MAP3K5: variants seen among roughly 807,000 people sequenced by gnomAD.
MAP3K5 encodes mitogen-activated protein kinase kinase kinase 5.
Under a neutral mutation model 158.7 loss-of-function variants are expected in MAP3K5, and 56 were observed. The ratio of observed to expected loss-of-function variants is 0.35; its 90% CI spans 0.28 to 0.44. The LOEUF (loss-of-function observed/expected upper bound fraction) is 0.44, where lower values mean the gene tolerates loss of function less well. MAP3K5 is among the 20% of genes least tolerant of loss of function. The pLI, the probability that MAP3K5 is intolerant of heterozygous loss-of-function variation, is 1.00. For synonymous variants in MAP3K5, 579 were observed against 601.7 expected, an observed-to-expected ratio of 0.96 and a Z score of 0.55; for missense variants, 1,294 against 1,674.8, an observed-to-expected ratio of 0.77 and a Z score of 3.97.
In MAP3K5 at chr6:136,709,016, G is replaced by A. The variant is rs930618461; in HGVS notation, c.589-3883C>T. On this transcript the variant is annotated intron_variant, in intron 2 of 29. Coordinates refer to ENST00000359015, the MANE Select transcript of MAP3K5 (RefSeq NM_005923.4). ...GTGAAGCTGGCCTTCACTGTGTTCT[G>A]TGACACCCCCAACAGAAGTAGATTA... is the stretch of plus-strand genomic sequence containing the variant. Among the ~76,000 whole-genome samples, 3 of 152,102 alleles carry A rather than the reference G, an allele frequency of 2.0e-5. No homozygotes were observed. In the East Asian group the frequency reaches 5.8e-4, roughly 29 times the overall value.
intron 1 of MAP3K5, among the ~76,000 whole-genome samples, chr6:136,787,542 C>T (rs1784901555): frequency 6.6e-6 from 1 of 152,168 alleles, no homozygotes; most frequent in Non-Finnish European, 1.5e-5. Flanking sequence ...TGACTTGCTC[C>T]AAGTTAGAAA....
At chr6:136,780,937 T>G (rs79306952) in intron 1 of MAP3K5, among the ~76,000 whole-genome samples, 6,985 of 152,312 alleles carry the variant, frequency 0.046, 199 homozygotes, top group African/African-American at 0.087. Context: ...TACATCTTTA[T>G]ACTCCTGAAG....
chr6:136,650,257 G>A (rs1309509102), intron 11 of MAP3K5, among the ~76,000 whole-genome samples: 2 of 152,180 alleles, frequency 1.3e-5, no homozygotes, highest in East Asian at 1.9e-4. Context: ...AAACAGTTAC[G>A]AGAAAGAAAA....
At chr6:136,792,669 G>C (rs1785141875), upstream of MAP3K5, among the ~76,000 whole-genome samples, 3 of 152,158 alleles carry the variant, frequency 2.0e-5, no homozygotes, top group Non-Finnish European at 4.4e-5. This position sits in a 1 kb window ranked among gnomAD's most constrained non-coding sequence, Gnocchi z 5.7. Context: ...GGCTCCCCAG[G>C]CGGCGTCCCG....
chr6:136,761,169 T>C (rs916303062), intron 1 of MAP3K5, among the ~76,000 whole-genome samples: 2 of 151,828 alleles, frequency 1.3e-5, no homozygotes, highest in Non-Finnish European at 2.9e-5. Flanking sequence ...CTGATGTTTA[T>C]ATGCCACCTC....
intron 13 of MAP3K5, among the ~76,000 whole-genome samples, chr6:136,637,742 T>C (rs1777713872): frequency 6.6e-6 from 1 of 152,042 alleles, no homozygotes; most frequent in South Asian, 2.1e-4. Context: ...CTGCTCGCTG[T>C]GACTAGGCCA....
intron 23 of MAP3K5, among the ~76,000 whole-genome samples, chr6:136,583,959 C>T (rs1346514328): frequency 1.3e-5 from 2 of 152,052 alleles, no homozygotes; most frequent in Non-Finnish European, 2.9e-5. Flanking sequence ...CACCATACTT[C>T]CCACAGCCCT....
At chr6:136,700,719 GAAACATA>G (rs900707262) in intron 3 of MAP3K5, among the ~76,000 whole-genome samples, 1 of 152,084 alleles carries the variant, frequency 6.6e-6, no homozygotes, top group Non-Finnish European at 1.5e-5. Flanking sequence ...ATATGTGATT[GAAACATA>G]AAATAGTTTC....
intron 1 of MAP3K5, among the ~76,000 whole-genome samples, chr6:136,746,234 A>T (rs1782951879): frequency 6.6e-6 from 1 of 152,214 alleles, no homozygotes; most frequent in Non-Finnish European, 1.5e-5. Flanking sequence ...GGTTTACAGA[A>T]TGAAAAAACC....
chr6:136,569,096 T>C (rs1774251369), intron 25 of MAP3K5, among the ~76,000 whole-genome samples: 1 of 152,124 alleles, frequency 6.6e-6, no homozygotes, highest in Non-Finnish European at 1.5e-5. Context: ...ATCATAAGGC[T>C]GACAAAACAG....
At position 136,694,298 on chromosome 6, in the gene MAP3K5, A is replaced by C; in HGVS notation, c.1095T>G (p.Pro365=). The stretch of plus-strand genomic sequence containing the variant: ...TATCAAGAGCTTTTGCTCTGTCACC[A>C]GGGAGATTTCTCCTAAGGCAGAAAA... The part of the protein sequence containing the change: ...YAFALNRRNL[P]GDRAKALDIM... Residue 365 remains proline (P), a synonymous_variant, in exon 7 of 30, where the codon CCT becomes CCG. Transcript: ENST00000359015. 1 of 1,610,880 alleles carries C rather than the reference A, an allele frequency of 6.2e-7. No homozygotes were observed. The highest frequency in any genetic ancestry group is 8.5e-7 in the Non-Finnish European group (1 of 1,179,698).
At chr6:136,664,462 A>G (rs113180962) in intron 8 of MAP3K5, among the ~76,000 whole-genome samples, 3,684 of 152,216 alleles carry the variant, frequency 0.024, 66 homozygotes, top group Middle Eastern at 0.037. Flanking sequence ...TGGTCCATGG[A>G]AAAATTGTCT....
intron 2 of MAP3K5, among the ~76,000 whole-genome samples, chr6:136,719,188 A>AATAC (rs1316896831): frequency 2.6e-5 from 4 of 152,180 alleles, no homozygotes; most frequent in African/African-American, 9.7e-5. Context: ...TAAATAAATA[A>AATAC]ATACATACAT....
chr6:136,703,785 T>C (rs1342867727), intron 3 of MAP3K5, among the ~76,000 whole-genome samples: 3 of 152,246 alleles, frequency 2.0e-5, no homozygotes, highest in Non-Finnish European at 4.4e-5. Context: ...TTCAGAGTTG[T>C]ATAATCACTA....
intron 2 of MAP3K5, among the ~76,000 whole-genome samples, chr6:136,714,875 T>G (rs72981606): frequency 0.013 from 1,925 of 152,258 alleles, 16 homozygotes; most frequent in Non-Finnish European, 0.018. Context: ...CAGATCCCAA[T>G]CTAGAAAATA....
rs1780713409 is a variant in MAP3K5, at chr6:136,698,672, C to T, written c.623G>A (p.Gly208Glu). The change falls in exon 4 of 30, where the codon GGG (glycine) becomes GAG (glutamate). Residue 208 changes from glycine (G) to glutamate (E), a missense_variant. By Grantham distance (98) the Gly-to-Glu change is moderately conservative. Transcript: ENST00000359015. Reference protein sequence around the residue: ...IICQKNTMCTGNYTFVPYMIT... With the variant: ...IICQKNTMCTENYTFVPYMIT... The stretch of plus-strand genomic sequence containing the variant: ...CATGTAAGGAACAAAGGTGTAGTTC[C>T]CAGTGCACATCTGCGGAGAGAGGAG... 2 of 1,612,740 alleles carry T rather than the reference C, an allele frequency of 1.2e-6. No homozygotes were observed. Among genetic ancestry groups the T allele is most frequent in the Non-Finnish European group, 1.7e-6 (2 of 1,179,046 alleles).
At chr6:136,781,084 G>C (rs748175538) in intron 1 of MAP3K5, among the ~76,000 whole-genome samples, 6 of 152,170 alleles carry the variant, frequency 3.9e-5, no homozygotes, top group Non-Finnish European at 7.3e-5. Context: ...AACTGCATCA[G>C]ACTCCAGAGC....
chr6:136,669,725 A>C (rs1779392737), intron 7 of MAP3K5, among the ~76,000 whole-genome samples: 1 of 152,196 alleles, frequency 6.6e-6, no homozygotes, highest in Non-Finnish European at 1.5e-5. Context: ...AAATTACTCT[A>C]AATATCCAAT....
At chr6:136,743,630 A>G (rs894815901) in intron 1 of MAP3K5, among the ~76,000 whole-genome samples, 5 of 152,256 alleles carry the variant, frequency 3.3e-5, no homozygotes, top group Admixed American at 3.3e-4. Flanking sequence ...CTGGTGGTTT[A>G]TGATAAAACT....
Sources: gnomAD v4.1 joint callset for allele counts (sites outside exome capture counted in the v4.1 genomes callset) on GRCh38, gnomAD v4.1.1 for gene constraint, Gnocchi (gnomAD v3.1) non-coding constraint, MANE v1.5 for transcripts, NCBI Gene and HGNC (gene_info 2026-07-23, HGNC 2026-07-21) for gene names.